INPP4B: variants seen among roughly 807,000 people sequenced by gnomAD.
INPP4B encodes inositol polyphosphate-4-phosphatase type II B.
In INPP4B, 55 loss-of-function variants were observed where a neutral mutation model predicts 122.5. The ratio of observed to expected loss-of-function variants is 0.45; its 90% CI spans 0.36 to 0.56. INPP4B has a LOEUF of 0.56. INPP4B is among the 20% of genes least tolerant of loss of function. The pLI, the probability that INPP4B is intolerant of heterozygous loss-of-function variation, is 0.00. For synonymous variants in INPP4B, 403 were observed against 388.7 expected, an observed-to-expected ratio of 1.04 and a Z score of -0.43; for missense variants, 1,000 against 1,097.7, an observed-to-expected ratio of 0.91 and a Z score of 1.26.
At chr4:142,470,803 A>G (rs919722426) in intron 2 of INPP4B, among the ~76,000 whole-genome samples, 1 of 152,198 alleles carries the variant, frequency 6.6e-6, no homozygotes, top group African/African-American at 2.4e-5. Flanking sequence ...TTGGGTTTCC[A>G]TTCTAGAGAA....
chr4:142,123,298 T>C lies in INPP4B; in HGVS notation c.2011A>G (p.Thr671Ala). The stretch of plus-strand genomic sequence containing the variant: ...GTACTAAAGCAATACTCACTGTATG[T>C]ACTTAGCAGTCCTTCATATTGTACT... ...LIVQYEGLLS[T>A]YSDEIGMLED... The change falls in exon 20 of 26, where the codon ACA becomes GCA. Residue 671 changes from threonine to alanine, a missense_variant. Thr to Ala is a moderately conservative substitution (Grantham distance 58). Transcript: ENST00000262992. 1 of 1,611,180 alleles carries C rather than the reference T, an allele frequency of 6.2e-7. No individual in the cohort carries two copies. Among genetic ancestry groups the C allele is most frequent in the Non-Finnish European group, 8.5e-7 (1 of 1,178,260 alleles).
intron 2 of INPP4B, among the ~76,000 whole-genome samples, chr4:142,529,627 A>G (rs973764751): frequency 4.6e-5 from 7 of 152,090 alleles, no homozygotes; most frequent in African/African-American, 1.7e-4. Context: ...ATATTGATGA[A>G]TATAATATCC....
chr4:142,783,193 A>T (rs898985824), intron 1 of INPP4B, among the ~76,000 whole-genome samples: 1 of 152,220 alleles, frequency 6.6e-6, no homozygotes, highest in Non-Finnish European at 1.5e-5. Flanking sequence ...GAGCTTCTGC[A>T]CAGCAAAAGA....
At chr4:142,290,794 C>T (rs916228047) in intron 9 of INPP4B, among the ~76,000 whole-genome samples, 3 of 152,074 alleles carry the variant, frequency 2.0e-5, no homozygotes, top group Non-Finnish European at 4.4e-5. Flanking sequence ...GTATGTATGA[C>T]CAAAGACAGC....
intron 2 of INPP4B, among the ~76,000 whole-genome samples, chr4:142,570,982 ATTAAAAAGTATCC>A (rs1732673655): frequency 6.6e-6 from 1 of 151,452 alleles, no homozygotes; most frequent in Non-Finnish European, 1.5e-5. Flanking sequence ...CCTGGCTCCC[ATTAAAAAGTATCC>A]TTTCATGACC....
intron 1 of INPP4B, among the ~76,000 whole-genome samples, chr4:142,843,633 T>C (rs976542198): frequency 8.5e-5 from 13 of 152,060 alleles, no homozygotes; most frequent in African/African-American, 3.1e-4. Context: ...TCACTCAGTA[T>C]GAAATAAGAA....
chr4:142,373,085 G>A (rs1388075579), intron 7 of INPP4B, among the ~76,000 whole-genome samples: 1 of 151,994 alleles, frequency 6.6e-6, no homozygotes, highest in Non-Finnish European at 1.5e-5. Context: ...GTCTCAAATA[G>A]CTGCAGGCTC....
chr4:142,198,472 G>A (rs1302230333), intron 14 of INPP4B, among the ~76,000 whole-genome samples: 1 of 150,818 alleles, frequency 6.6e-6, no homozygotes, highest in Non-Finnish European at 1.5e-5. Flanking sequence ...TTAAAAAAAA[G>A]AATACTTTTT....
At chr4:142,555,055 C>T (rs995091433) in intron 2 of INPP4B, among the ~76,000 whole-genome samples, 5 of 152,128 alleles carry the variant, frequency 3.3e-5, no homozygotes, top group African/African-American at 1.2e-4. Context: ...CAGGAAGCAC[C>T]ACATGTAGCT....
chr4:142,092,151 G>T (rs1452170995), intron 23 of INPP4B, among the ~76,000 whole-genome samples: 1 of 152,180 alleles, frequency 6.6e-6, no homozygotes, highest in Non-Finnish European at 1.5e-5. Flanking sequence ...AAGAGGAAAG[G>T]AACCTCTTCT....
Position 142,294,829 on chromosome 4 carries a change from C to CAAAAAAAAAAAAA in INPP4B, c.503+10616_503+10628dup, listed in dbSNP as rs57430432. ...CGGGCGACAGAGCGAGACTCCGTCT[C>CAAAAAAAAAAAAA]AAAAAAAAAAAAAAAAAAAAAAAAA... On this transcript the variant is annotated intron_variant, in intron 9 of 25. Coordinates refer to ENST00000262992, the MANE Select transcript of INPP4B (RefSeq NM_001101669.3). Among the ~76,000 whole-genome samples, 47 of 28,478 alleles carry CAAAAAAAAAAAAA rather than the reference C, an allele frequency of 1.7e-3. 7 individuals are homozygous for CAAAAAAAAAAAAA. Among genetic ancestry groups the CAAAAAAAAAAAAA allele is most frequent in the East Asian group, 3.0e-3 (2 of 662 alleles). 18.7% of individuals were successfully genotyped at this position (28,478 alleles called of 152,430 possible). A position where few individuals can be genotyped will look rare whatever the true frequency, so the allele number is the denominator to read the frequency against.
chr4:142,793,501 G>A (rs1429785796), intron 1 of INPP4B, among the ~76,000 whole-genome samples: 1 of 152,026 alleles, frequency 6.6e-6, no homozygotes, highest in Non-Finnish European at 1.5e-5. Flanking sequence ...CAGCAGCTAG[G>A]GTTCAAGCCC....
chr4:142,768,426 G>T (rs1453286202), intron 1 of INPP4B, among the ~76,000 whole-genome samples: 1 of 152,130 alleles, frequency 6.6e-6, no homozygotes. Context: ...TCTGCCCAGA[G>T]GTCATAGCAG....
intron 1 of INPP4B, among the ~76,000 whole-genome samples, chr4:142,772,176 G>A (rs561430188): frequency 1.3e-5 from 2 of 152,216 alleles, no homozygotes; most frequent in South Asian, 4.1e-4. Flanking sequence ...GTTTTGAAAC[G>A]ATCTTAATAA....
intron 1 of INPP4B, among the ~76,000 whole-genome samples, chr4:142,729,274 C>T (rs970564067): frequency 7.9e-5 from 12 of 152,262 alleles, no homozygotes; most frequent in East Asian, 3.9e-4. Context: ...TACCTGTCCA[C>T]GGCTTGGGGG....
intron 21 of INPP4B, among the ~76,000 whole-genome samples, chr4:142,117,596 T>C (rs1308964119): frequency 6.6e-6 from 1 of 152,094 alleles, no homozygotes; most frequent in African/African-American, 2.4e-5. Context: ...GAAAAGGCCT[T>C]TGACAAAATT....
intron 2 of INPP4B, among the ~76,000 whole-genome samples, chr4:142,526,643 C>A (rs142554977): frequency 4.6e-5 from 7 of 152,002 alleles, no homozygotes; most frequent in African/African-American, 1.7e-4. Flanking sequence ...TTGTAACATC[C>A]GTAAATCCAT....
At chr4:142,528,981 A>G (rs2149973574) in intron 2 of INPP4B, among the ~76,000 whole-genome samples, 1 of 152,270 alleles carries the variant, frequency 6.6e-6, no homozygotes. Context: ...TGTAACTGGC[A>G]GCAGTGTCTA....
At chr4:142,678,474 G>A (rs949224045) in intron 2 of INPP4B, among the ~76,000 whole-genome samples, 2 of 151,726 alleles carry the variant, frequency 1.3e-5, no homozygotes, top group African/African-American at 2.4e-5. Flanking sequence ...AAATCACTTC[G>A]CACCTCTTGG....
Sources: allele counts gnomAD v4.1 joint callset (sites outside exome capture counted in the v4.1 genomes callset), GRCh38; gene constraint gnomAD v4.1.1; transcripts MANE v1.5; gene names NCBI Gene and HGNC (gene_info 2026-07-23, HGNC 2026-07-21).